KPNA6: variants seen among roughly 807,000 people sequenced by gnomAD.
The protein encoded by KPNA6 is importin subunit alpha-7.
In KPNA6, 9 loss-of-function variants were observed where a neutral mutation model predicts 72.0. That is an observed-to-expected ratio of 0.13 (90% CI 0.08 to 0.22). The LOEUF is 0.22. KPNA6 is among the 10% of genes least tolerant of loss of function. The pLI, the probability that KPNA6 is intolerant of heterozygous loss-of-function variation, is 1.00. For synonymous variants in KPNA6, 219 were observed against 242.1 expected (o/e 0.90, Z 0.89); for missense variants, 374 against 655.7 (o/e 0.57, Z 4.69).
chr1:32,128,424 T>TACAC (rs1242632187), intron 1 of KPNA6, among the ~76,000 whole-genome samples: 5 of 113,238 alleles, frequency 4.4e-5, no homozygotes, highest in South Asian at 2.9e-4. Flanking sequence ...TATATATATA[T>TACAC]ATACACACAC....
intron 2 of KPNA6, among the ~76,000 whole-genome samples, chr1:32,156,530 C>T (rs773520660): frequency 3.9e-5 from 6 of 152,202 alleles, no homozygotes; most frequent in Non-Finnish European, 8.8e-5. Flanking sequence ...AATGGATGCA[C>T]TGGACAAAGG....
chr1:32,161,280 C>G (rs1446446378), intron 7 of KPNA6, among the ~76,000 whole-genome samples: 1 of 152,190 alleles, frequency 6.6e-6, no homozygotes. Context: ...AGAGGCAGGA[C>G]TAGCCCACCT....
intron 1 of KPNA6, among the ~76,000 whole-genome samples, chr1:32,118,268 A>C (rs1283942922): frequency 6.6e-6 from 1 of 151,976 alleles, no homozygotes; most frequent in Non-Finnish European, 1.5e-5. Context: ...TGCCTTCTTC[A>C]TGAACCTTTC....
In KPNA6 at chr1:32,144,087, G is replaced by A. The variant is rs188647652; in HGVS notation, c.5-10501G>A. On this transcript the variant is annotated intron_variant, in intron 1 of 13. Transcript: ENST00000373625. ...ACGTACCTATGATGAAGTTTAATTT[G>A]TAAATTAGGCACAATAAGAGATTGA... Among the ~76,000 whole-genome samples, 3 of 152,210 alleles carry A rather than the reference G, an allele frequency of 2.0e-5. No individual in the cohort carries two copies. The East Asian group carries it at 5.8e-4, about 29-fold the overall frequency.
chr1:32,109,284 C>A (rs1397149344), intron 1 of KPNA6, among the ~76,000 whole-genome samples: 2 of 151,932 alleles, frequency 1.3e-5, no homozygotes, highest in Admixed American at 6.6e-5. Flanking sequence ...ATTCTCCTGC[C>A]TCAGCCTCCC....
chr1:32,169,174 C>A (rs1642390914), intron 12 of KPNA6, among the ~76,000 whole-genome samples: 1 of 151,826 alleles, frequency 6.6e-6, no homozygotes, highest in African/African-American at 2.4e-5. Flanking sequence ...TTGAGACCAG[C>A]CTGGACAACA....
chr1:32,125,762 A>C (rs1255827236), intron 1 of KPNA6, among the ~76,000 whole-genome samples: 1 of 152,054 alleles, frequency 6.6e-6, no homozygotes, highest in Admixed American at 6.6e-5. Flanking sequence ...CCAGAATCCT[A>C]ATTTTTTGAA....
chr1:32,159,911 C>T (rs550261394), intron 6 of KPNA6, among the ~76,000 whole-genome samples: 1 of 152,312 alleles, frequency 6.6e-6, no homozygotes, highest in South Asian at 2.1e-4. Flanking sequence ...GATAAAGATA[C>T]AACTTCCATT....
rs528509520 is a variant in KPNA6 at position 32,157,256 on chromosome 1, T to C, written c.232-90T>C. On this transcript the variant is annotated intron_variant, in intron 3 of 13. Transcript: ENST00000373625. ...TTATGCCATCCTCTTGCCCTCAGTTTTTTAGAAAACAGGATGCCAAGCAGT... is the reference window on the plus strand; with the variant it reads ...TTATGCCATCCTCTTGCCCTCAGTTCTTTAGAAAACAGGATGCCAAGCAGT... The C allele has an allele frequency of 2.1e-5, 21 of 989,254 alleles. 1 individual carries two copies. In the South Asian group the frequency reaches 3.0e-4, roughly 14 times the overall value. The allele number at this position is 989,254 out of a possible 1,614,324, so 61.3% of individuals were successfully genotyped here.
chr1:32,119,032 A>ATATTTTTTTT (rs1167325052), intron 1 of KPNA6, among the ~76,000 whole-genome samples: 9 of 40,272 alleles, frequency 2.2e-4, no homozygotes, highest in Non-Finnish European at 3.3e-4. Flanking sequence ...ATATATATAT[A>ATATTTTTTTT]TTTTTTTTTT....
At position 32,167,070 on chromosome 1, in the gene KPNA6, G is replaced by A. The variant is rs78445040; in HGVS notation, c.1117-99G>A. 1,597 of 1,435,490 alleles carry A rather than the reference G, an allele frequency of 1.1e-3. 18 individuals are homozygous for A. The African/African-American group carries it at 0.021, about 19-fold the overall frequency. The allele number at this position is 1,435,490 out of a possible 1,614,324, so 88.9% of individuals were successfully genotyped here. A position where few individuals can be genotyped will look rare whatever the true frequency, so the allele number is the denominator to read the frequency against. On this transcript the variant is annotated intron_variant, in intron 11 of 13. Transcript: ENST00000373625. ...AGAACAAAAGAAAACTCCCAGAATG[G>A]GGAAGATGTCTAAGTCTCAGCTGAT...
At position 32,108,095 on chromosome 1, in the gene KPNA6, T is replaced by TG. The variant is rs765569576; in HGVS notation, c.-35dup. The stretch of plus-strand genomic sequence containing the variant: ...AAGCTGCCGCTGAAGCTGCCGCCGT[T>TG]GCCTCCGCCGCCAAGAGTGAGCGAG... On this transcript the variant is annotated 5_prime_UTR_variant, in exon 1 of 14. Transcript: ENST00000373625. 2 of 1,613,912 alleles carry TG rather than the reference T, an allele frequency of 1.2e-6. No homozygotes were observed. The highest frequency in any genetic ancestry group is 2.2e-5 in the South Asian group (2 of 91,070).
rs1557462544 is a variant in KPNA6, at chr1:32,128,390, TA to T, written c.4+20257del. 5.4e-3 allele frequency among the ~76,000 whole-genome samples: 200 copies of T among 36,826 alleles called. 1 individual carries two copies. Among genetic ancestry groups the T allele is most frequent in the African/African-American group, 0.01 (86 of 8,346 alleles). The allele number at this position is 36,826 out of a possible 152,430, so 24.2% of individuals were successfully genotyped here. A position where few individuals can be genotyped will look rare whatever the true frequency, so the allele number is the denominator to read the frequency against. On this transcript the variant is annotated intron_variant, in intron 1 of 13. Coordinates refer to ENST00000373625, the MANE Select transcript of KPNA6 (RefSeq NM_012316.5). ...ATTTTTTATATTATATATGTATTTA[TA>T]TATATATATATATATATATATATAT...
intron 1 of KPNA6, among the ~76,000 whole-genome samples, chr1:32,125,898 A>G (rs1222423055): frequency 7.2e-6 from 1 of 139,338 alleles, no homozygotes; most frequent in Admixed American, 7.4e-5. Context: ...AAATTAATTG[A>G]GATTATATAT....
At position 32,174,588 on chromosome 1, in the gene KPNA6, A is replaced by T. The variant is rs2124111146; in HGVS notation, c.*3694A>T. The T allele has an allele frequency of 6.6e-6, 1 of 152,080 alleles. No homozygotes were observed. Among genetic ancestry groups the T allele is most frequent in the Non-Finnish European group, 1.5e-5 (1 of 67,992 alleles). The allele number at this position is 152,080 out of a possible 1,614,324, so 9.4% of individuals were successfully genotyped here. A position where few individuals can be genotyped will look rare whatever the true frequency, so the allele number is the denominator to read the frequency against. On this transcript the variant is annotated 3_prime_UTR_variant, in exon 14 of 14. Coordinates refer to ENST00000373625, the MANE Select transcript of KPNA6 (RefSeq NM_012316.5). Reference sequence around the variant, plus strand: ...TGTTCAGGCCTCTCTTCTCCCCTAGACTCACTCAGCTTGGTATCCATCATC... The same window carrying T: ...TGTTCAGGCCTCTCTTCTCCCCTAGTCTCACTCAGCTTGGTATCCATCATC...
In KPNA6 at chr1:32,141,375, CTTTTTTTTTTTTTTTTTTTTTTT is replaced by C. The variant is rs71006334; in HGVS notation, c.5-13195_5-13173del. ...AGGGCTTTTTTTTTTTAAGTTAATCCTTTTTTTTTTTTTTTTTTTTTTTTTTTTTTTTTTTTTTTTGAGACGGA... is the reference window on the plus strand; with the variant it reads ...AGGGCTTTTTTTTTTTAAGTTAATCCTTTTTTTTTTTTTTTTTGAGACGGA... On this transcript the variant is annotated intron_variant, in intron 1 of 13. Coordinates refer to ENST00000373625, the MANE Select transcript of KPNA6 (RefSeq NM_012316.5). 4.5e-3 allele frequency among the ~76,000 whole-genome samples: 246 copies of C among 54,474 alleles called. 2 individuals are homozygous for C. Among genetic ancestry groups the C allele is most frequent in the Admixed American group, 0.011 (53 of 4,848 alleles). 35.7% of individuals were successfully genotyped at this position (54,474 alleles called of 152,430 possible).
intron 6 of KPNA6, among the ~76,000 whole-genome samples, 185 bp from the exon 7 acceptor site, chr1:32,160,430 A>G (rs1173400286): frequency 2.0e-5 from 3 of 152,142 alleles, no homozygotes; most frequent in Non-Finnish European, 4.4e-5. Context: ...ACTCCCAGGG[A>G]TAGGTCATTG....
intron 1 of KPNA6, among the ~76,000 whole-genome samples, chr1:32,114,958 A>G (rs551567493): frequency 6.6e-6 from 1 of 152,246 alleles, no homozygotes; most frequent in East Asian, 1.9e-4. Context: ...ATGGTGCCTC[A>G]GTCTCCTAAG....
intron 1 of KPNA6, among the ~76,000 whole-genome samples, chr1:32,110,158 G>A (rs527250337): frequency 4.7e-5 from 7 of 148,114 alleles, no homozygotes; most frequent in South Asian, 2.2e-4. Context: ...TCTGCCTCCC[G>A]GGTTAAAGCA....
Sources: allele counts gnomAD v4.1 joint callset (sites outside exome capture counted in the v4.1 genomes callset), GRCh38; gene constraint gnomAD v4.1.1; transcripts MANE v1.5; gene names NCBI Gene and HGNC (gene_info 2026-07-23, HGNC 2026-07-21).